Variants in LHCGR observed in about 807,000 individuals in gnomAD.
The protein encoded by LHCGR is luteinizing hormone/choriogonadotropin receptor.
Under a neutral mutation model 60.7 loss-of-function variants are expected in LHCGR, and 55 were observed. The observed-to-expected ratio is 0.91, with a 90% CI of 0.73 to 1.13. The LOEUF (loss-of-function observed/expected upper bound fraction) is 1.13, where lower values mean the gene tolerates loss of function less well. LHCGR is among the 50% of genes most tolerant of loss of function. The pLI, the probability that LHCGR is intolerant of heterozygous loss-of-function variation, is 0.00. For missense variants in LHCGR, 862 were observed against 836.0 expected (o/e 1.03, Z -0.38); for synonymous variants, 337 against 316.5 (o/e 1.06, Z -0.69).
At chr2:48,733,869 A>G in intron 1 of LHCGR, among the ~76,000 whole-genome samples, 1 of 152,112 alleles carries the variant, frequency 6.6e-6, no homozygotes, top group Non-Finnish European at 1.5e-5. Flanking sequence ...AATAAAGTTT[A>G]TGATTTGTTG....
chr2:48,747,656 C>T (rs546306269), intron 1 of LHCGR, among the ~76,000 whole-genome samples: 115 of 152,216 alleles, frequency 7.6e-4, no homozygotes, highest in African/African-American at 2.5e-3. Context: ...TTTTTGGAAC[C>T]GACTCCTTGT....
Position 48,687,307 on chromosome 2 carries a change from G to A in LHCGR, c.*390C>T, listed in dbSNP as rs1157772361. 5.5e-6 allele frequency: 1 copy of A among 181,808 alleles called. No individual in the cohort carries two copies. Among genetic ancestry groups the A allele is most frequent in the African/African-American group, 2.4e-5 (1 of 41,794 alleles). 11.3% of individuals were successfully genotyped at this position (181,808 alleles called of 1,614,324 possible). ...GAGTGTGTTTTTCAAACTACCTGAG[G>A]AAAAAGGCCAGTTATTTTAAATTTC... On this transcript the variant is annotated 3_prime_UTR_variant, in exon 11 of 11. Transcript: ENST00000294954.
At position 48,735,231 on chromosome 2, in the gene LHCGR, T is replaced by A. The variant is rs1669161303; in HGVS notation, c.162-3933A>T. ...TGTGTTAAAGTTGAAATCGAAACAG[T>A]CTGTCCTCCTTAGGGCTGGAATTAA... On this transcript the variant is annotated intron_variant, in intron 1 of 10. Coordinates refer to ENST00000294954, the MANE Select transcript of LHCGR (RefSeq NM_000233.4). 1.3e-5 allele frequency among the ~76,000 whole-genome samples: 2 copies of A among 152,200 alleles called. 1 individual carries two copies. Among genetic ancestry groups the A allele is most frequent in the Admixed American group, 1.3e-4 (2 of 15,292 alleles).
chr2:48,737,717 T>A (rs1189457984), intron 1 of LHCGR, among the ~76,000 whole-genome samples: 1 of 152,220 alleles, frequency 6.6e-6, no homozygotes, highest in Non-Finnish European at 1.5e-5. Flanking sequence ...GAACATCCAA[T>A]ATGTTACGCT....
chr2:48,702,107 CGT>C (rs1201755793), intron 8 of LHCGR, among the ~76,000 whole-genome samples: 2 of 151,998 alleles, frequency 1.3e-5, no homozygotes, highest in Non-Finnish European at 2.9e-5. Context: ...AACTGGTCGC[CGT>C]GTGTGAGAGC....
At chr2:48,714,395 T>A (rs1003278552) in intron 6 of LHCGR, among the ~76,000 whole-genome samples, 2 of 152,094 alleles carry the variant, frequency 1.3e-5, no homozygotes, top group African/African-American at 4.8e-5. Context: ...ACTTAAGCCT[T>A]TCCTCTGGTT....
chr2:48,723,020 TGA>T (rs1168244543), intron 6 of LHCGR, among the ~76,000 whole-genome samples: 2 of 152,084 alleles, frequency 1.3e-5, no homozygotes, highest in East Asian at 3.9e-4. Flanking sequence ...AAGGCGAAAA[TGA>T]GAGAGACAGA....
At chr2:48,755,480 G>A (rs1431406232) in intron 1 of LHCGR, 31 bp downstream of exon 1, 1 of 1,415,166 alleles carries the variant, frequency 7.1e-7, no homozygotes, top group Non-Finnish European at 9.7e-7. Flanking sequence ...CCTGCATCAA[G>A]GGCGCCGCGA....
rs1032974137 is a variant in LHCGR at position 48,687,820 on chromosome 2, G to A, written c.1977C>T (p.Tyr659=). 6.2e-7 allele frequency: 1 copy of A among 1,614,188 alleles called. No homozygotes were observed. ...TGAAGCCATTTTTGCAGTTGGAGGTGTAAGCTGAAAAATCTTTCCTTCTAT... is the reference window on the plus strand; with the variant it reads ...TGAAGCCATTTTTGCAGTTGGAGGTATAAGCTGAAAAATCTTTCCTTCTAT... ...ELYRRKDFSA[Y]TSNCKNGFTG... is the part of the protein sequence containing the mutation. Residue 659 remains tyrosine, a synonymous_variant, in exon 11 of 11, where the codon TAC becomes TAT. Coordinates refer to ENST00000294954, the MANE Select transcript of LHCGR (RefSeq NM_000233.4).
At chr2:48,755,386 T>C in intron 1 of LHCGR, 125 bp downstream of exon 1, 4 of 659,800 alleles carry the variant, frequency 6.1e-6, no homozygotes, top group South Asian at 4.0e-5. Context: ...GGAAATTTGA[T>C]AGGGCAAAGC....
rs537126247 is a variant in LHCGR, at chr2:48,738,591, A to G, written c.162-7293T>C. 1.4e-4 allele frequency among the ~76,000 whole-genome samples: 22 copies of G among 152,276 alleles called. 1 individual carries two copies. In the South Asian group the frequency reaches 4.6e-3, roughly 32 times the overall value. ...ATTCAAGGCTCAATCTTTATTCACC[A>G]GTTGTATCACCCACTCTTGCCCTCA... On this transcript the variant is annotated intron_variant, in intron 1 of 10. Transcript: ENST00000294954.
chr2:48,707,212 T>A (rs1468821070), intron 8 of LHCGR, among the ~76,000 whole-genome samples: 1 of 152,228 alleles, frequency 6.6e-6, no homozygotes, highest in Non-Finnish European at 1.5e-5. Flanking sequence ...TGCCTGGATA[T>A]CACCAGCAGA....
Position 48,688,316 on chromosome 2 carries a change from G to C in LHCGR, c.1481C>G (p.Ser494Cys), listed in dbSNP as rs2104354861. The change falls in exon 11 of 11, where the codon TCT becomes TGT. Residue 494 changes from serine to cysteine, a missense_variant. By Grantham distance (112) the Ser-to-Cys change is moderately radical (BLOSUM62 -1). Coordinates refer to ENST00000294954, the MANE Select transcript of LHCGR (RefSeq NM_000233.4). This position sits in a 1 kb window ranked among gnomAD's most constrained non-coding sequence, Gnocchi z 5.2. ...ILIMLGGWLF[S>C]SLIAMLPLVG... ...AAGGGGCAACATAGCAATTAGAGAA[G>C]AAAAGAGCCATCCTCCAAGCATAAT... 1 of 1,614,110 alleles carries C rather than the reference G, an allele frequency of 6.2e-7. No individual in the cohort carries two copies. Among genetic ancestry groups the C allele is most frequent in the South Asian group, 1.1e-5 (1 of 91,074 alleles).
At chr2:48,747,945 T>TGAG (rs1257722700) in intron 1 of LHCGR, among the ~76,000 whole-genome samples, 1 of 152,156 alleles carries the variant, frequency 6.6e-6, no homozygotes, top group African/African-American at 2.4e-5. Flanking sequence ...GAATAGCGAT[T>TGAG]CCTCAGTGGT....
At position 48,729,203 on chromosome 2, in the gene LHCGR, C is replaced by T; in HGVS notation, c.258G>A (p.Leu86=). 1.2e-6 allele frequency: 2 copies of T among 1,611,108 alleles called. No individual in the cohort carries two copies. Among genetic ancestry groups the T allele is most frequent in the Non-Finnish European group, 8.5e-7 (1 of 1,178,348 alleles). ...CAAAGGCATTAGCTTCTATCCTTTC[C>T]AGGGAATCAATCTGAGAGATTTCAC... ...IKIEISQIDS[L]ERIEANAFDN... is the part of the protein sequence containing the mutation. The change falls in exon 3 of 11, where the codon CTG becomes CTA. Residue 86 remains leucine (L), a synonymous_variant. Transcript: ENST00000294954.
At chr2:48,742,960 A>T (rs1160420531) in intron 1 of LHCGR, among the ~76,000 whole-genome samples, 1 of 152,166 alleles carries the variant, frequency 6.6e-6, no homozygotes, top group African/African-American at 2.4e-5. Flanking sequence ...ACTAATAAAG[A>T]AAAAAAGAGA....
intron 1 of LHCGR, among the ~76,000 whole-genome samples, chr2:48,731,570 C>T (rs1668991394): frequency 6.6e-6 from 1 of 152,186 alleles, no homozygotes; most frequent in Admixed American, 6.5e-5. Context: ...TGTCCCACTA[C>T]TTGGCTATGT....
chr2:48,723,622 AG>A lies in LHCGR; in HGVS notation c.457del (p.Leu153TrpfsTer9). The A allele has an allele frequency of 6.2e-7, 1 of 1,612,854 alleles. No individual in the cohort carries two copies. Among genetic ancestry groups the A allele is most frequent in the South Asian group, 1.1e-5 (1 of 91,070 alleles). On this transcript the variant is annotated frameshift_variant and splice_region_variant, in exon 5 of 11. Transcript: ENST00000294954. LOFTEE classifies it high-confidence loss of function. The part of the protein sequence containing the change: ...KVFSSESNFI[L>X]EICDNLHITT... ...GCATAGCAATCAGCCTGGTACTTACAGAATGAAATTTGATTCAGAGGAGAAG... is the reference window on the plus strand; with the variant it reads ...GCATAGCAATCAGCCTGGTACTTACAAATGAAATTTGATTCAGAGGAGAAG...
In LHCGR at chr2:48,713,992, G is replaced by A; in HGVS notation, c.599C>T (p.Thr200Ile). ...QSHAFNGTTLTSLELKENVHL... is the reference protein window; with the variant it reads ...QSHAFNGTTLISLELKENVHL... The stretch of plus-strand genomic sequence containing the variant: ...GAAATAAGCAAATACTTACAGTGAA[G>A]TCAGTGTCGTCCCATTGAATGCATG... Residue 200 changes from threonine to isoleucine, a missense_variant, in exon 7 of 11, where the codon ACT becomes ATT. Transcript: ENST00000294954. The A allele has an allele frequency of 6.2e-7, 1 of 1,604,516 alleles. No homozygotes were observed. The highest frequency in any genetic ancestry group is 1.1e-5 in the South Asian group (1 of 90,866).
Sources: allele counts gnomAD v4.1 joint callset (sites outside exome capture counted in the v4.1 genomes callset), GRCh38; gene constraint gnomAD v4.1.1; non-coding constraint Gnocchi (gnomAD v3.1); transcripts MANE v1.5; gene names NCBI Gene and HGNC (gene_info 2026-07-23, HGNC 2026-07-21).